Variants in DIAPH3 observed in about 807,000 individuals in gnomAD.
DIAPH3 encodes the protein protein diaphanous homolog 3.
DIAPH3 carries 117 observed loss-of-function variants against 144.3 expected under a neutral mutation model. That is an observed-to-expected ratio of 0.81 (90% confidence interval 0.70 to 0.95). The LOEUF (loss-of-function observed/expected upper bound fraction) is 0.95, where lower values mean the gene tolerates loss of function less well. Ranked by LOEUF, DIAPH3 falls within the 40% of genes least tolerant of loss-of-function variation. The pLI is 0.00. For missense variants in DIAPH3, 1,421 were observed against 1,412.7 expected, an observed-to-expected ratio of 1.01 and a Z score of -0.09; for synonymous variants, 519 against 488.9, an observed-to-expected ratio of 1.06 and a Z score of -0.81.
chr13:59,843,131 C>T (rs948151642), intron 22 of DIAPH3, among the ~76,000 whole-genome samples: 2 of 152,296 alleles, frequency 1.3e-5, no homozygotes, highest in Admixed American at 6.5e-5. Flanking sequence ...ACTACATTAA[C>T]ATACAAAATA....
chr13:59,842,723 A>G (rs2042417710), intron 22 of DIAPH3, among the ~76,000 whole-genome samples: 1 of 152,156 alleles, frequency 6.6e-6, no homozygotes, highest in East Asian at 1.9e-4. Context: ...ATTCACTAGA[A>G]TGACTCACAG....
intron 25 of DIAPH3, among the ~76,000 whole-genome samples, chr13:59,793,502 T>A (rs973986667): frequency 6.6e-6 from 1 of 152,198 alleles, no homozygotes; most frequent in Non-Finnish European, 1.5e-5. Context: ...ATTACATGAT[T>A]CTTTAGCAGT....
At chr13:60,022,418 G>C (rs1480708806) in intron 5 of DIAPH3, among the ~76,000 whole-genome samples, 1 of 151,142 alleles carries the variant, frequency 6.6e-6, no homozygotes, top group Admixed American at 6.6e-5. Context: ...AGTTAAGAAA[G>C]TTCCCCTCTG....
At chr13:59,835,715 CCCCACTT>C (rs1199216631) in intron 23 of DIAPH3, among the ~76,000 whole-genome samples, 2 of 151,678 alleles carry the variant, frequency 1.3e-5, no homozygotes, top group Non-Finnish European at 3.0e-5. Context: ...CACCCAATTG[CCCCACTT>C]CCCACTCTTA....
chr13:59,720,927 G>A (rs117809115), intron 27 of DIAPH3, among the ~76,000 whole-genome samples: 4,962 of 152,150 alleles, frequency 0.033, 124 homozygotes, highest in Non-Finnish European at 0.049. Context: ...ATATATGTAG[G>A]GTGGGGTGGA....
intron 25 of DIAPH3, among the ~76,000 whole-genome samples, chr13:59,785,091 T>A (rs983478745): frequency 6.6e-6 from 1 of 152,186 alleles, no homozygotes; most frequent in Non-Finnish European, 1.5e-5. Context: ...GAAAATTTAT[T>A]TGAGTCAAGG....
chr13:59,842,582 T>C (rs368839917), intron 22 of DIAPH3, among the ~76,000 whole-genome samples: 1 of 152,196 alleles, frequency 6.6e-6, no homozygotes, highest in South Asian at 2.1e-4. Flanking sequence ...TGTCAGGCTG[T>C]ACAGGTAGAA....
At chr13:60,110,861 AAT>A (rs1389482963) in intron 3 of DIAPH3, among the ~76,000 whole-genome samples, 1 of 152,238 alleles carries the variant, frequency 6.6e-6, no homozygotes, top group East Asian at 1.9e-4. Flanking sequence ...ATAATATTAA[AAT>A]ATATAGTATT....
intron 2 of DIAPH3, among the ~76,000 whole-genome samples, chr13:60,120,821 C>T (rs2058826824): frequency 6.6e-6 from 1 of 152,140 alleles, no homozygotes; most frequent in African/African-American, 2.4e-5. Flanking sequence ...TGATTATAAT[C>T]TCATGAAAGA....
intron 27 of DIAPH3, among the ~76,000 whole-genome samples, chr13:59,702,367 A>G (rs1044969431): frequency 2.0e-5 from 3 of 152,190 alleles, no homozygotes; most frequent in Non-Finnish European, 4.4e-5. Context: ...AAAAAAGAAA[A>G]CAAAATGTGA....
intron 27 of DIAPH3, 145 bp from the exon 28 acceptor site, chr13:59,666,991 A>C: frequency 9.9e-7 from 1 of 1,014,094 alleles, no homozygotes; most frequent in Non-Finnish European, 1.4e-6. Flanking sequence ...CAACAGAGTA[A>C]GACAGGTTTA....
At chr13:59,714,827 G>A (rs952411099) in intron 27 of DIAPH3, among the ~76,000 whole-genome samples, 1 of 152,098 alleles carries the variant, frequency 6.6e-6, no homozygotes, top group African/African-American at 2.4e-5. Flanking sequence ...TGTGGAGAGT[G>A]TGCAACTTCA....
intron 27 of DIAPH3, among the ~76,000 whole-genome samples, chr13:59,712,618 T>C (rs1482401164): frequency 6.6e-6 from 1 of 152,228 alleles, no homozygotes; most frequent in African/African-American, 2.4e-5. Flanking sequence ...TATTCAGCTC[T>C]CACTTAAATA....
At chr13:60,146,221 A>G (rs1035298539) in intron 1 of DIAPH3, among the ~76,000 whole-genome samples, 1 of 152,236 alleles carries the variant, frequency 6.6e-6, no homozygotes, top group Non-Finnish European at 1.5e-5. Context: ...ATATTAACCA[A>G]ACAGGATATA....
At chr13:59,861,290 T>C (rs558538750) in intron 22 of DIAPH3, 117 bp downstream of exon 22, 3 of 1,573,706 alleles carry the variant, frequency 1.9e-6, no homozygotes, top group Non-Finnish European at 2.6e-6. Context: ...TAAAATGAGA[T>C]ATTGGGTATG....
At chr13:59,776,037 C>T (rs961826227) in intron 25 of DIAPH3, among the ~76,000 whole-genome samples, 4 of 152,180 alleles carry the variant, frequency 2.6e-5, no homozygotes, top group African/African-American at 9.7e-5. Context: ...AACTTGCAGG[C>T]ATTCTTTATG....
At chr13:59,940,645 C>T (rs1395634165) in intron 17 of DIAPH3, among the ~76,000 whole-genome samples, 3 of 151,492 alleles carry the variant, frequency 2.0e-5, no homozygotes, top group Non-Finnish European at 1.5e-5. Context: ...CCTTTTTTTC[C>T]CAATTAAAAT....
intron 17 of DIAPH3, among the ~76,000 whole-genome samples, chr13:59,950,062 G>A (rs993535596): frequency 4.6e-5 from 7 of 152,116 alleles, no homozygotes; most frequent in African/African-American, 1.7e-4. Flanking sequence ...AGAGCTGTGT[G>A]ATACTAAGGT....
At chr13:60,055,810 C>A (rs2056535154) in intron 4 of DIAPH3, among the ~76,000 whole-genome samples, 1 of 151,744 alleles carries the variant, frequency 6.6e-6, no homozygotes, top group Admixed American at 6.6e-5. Flanking sequence ...AATCGCATAC[C>A]TTCGGGGTGG....
Sources: gnomAD v4.1 joint callset for allele counts (sites outside exome capture counted in the v4.1 genomes callset) on GRCh38, gnomAD v4.1.1 for gene constraint, MANE v1.5 for transcripts, NCBI Gene and HGNC (gene_info 2026-07-23, HGNC 2026-07-21) for gene names.